Variants in PIEZO2 observed in about 807,000 individuals in gnomAD.
PIEZO2 encodes piezo-type mechanosensitive ion channel component 2.
A neutral mutation model predicts 337.3 loss-of-function variants in PIEZO2; 172 were observed. The observed-to-expected ratio is 0.51, with a 90% CI of 0.45 to 0.58. The LOEUF is 0.58. Ranked by LOEUF, PIEZO2 falls within the 20% of genes least tolerant of loss-of-function variation. PIEZO2 has a pLI of 0.00. For synonymous variants in PIEZO2, 1,251 were observed against 1,228.5 expected (o/e 1.02, Z -0.38); for missense variants, 3,028 against 3,391.3 (o/e 0.89, Z 2.66).
At chr18:10,866,554 G>A (rs1364783555) in intron 5 of PIEZO2, among the ~76,000 whole-genome samples, 1 of 152,124 alleles carries the variant, frequency 6.6e-6, no homozygotes, top group Non-Finnish European at 1.5e-5. Flanking sequence ...CAAAGTGCTG[G>A]GATTTTAGGT....
At position 10,673,331 on chromosome 18, in the gene PIEZO2, T is replaced by C. The variant is rs61521729; in HGVS notation, c.8162-458A>G. Among the ~76,000 whole-genome samples the C allele has an allele frequency of 0.022, 3,362 of 152,270 alleles. 139 individuals are homozygous for C. Among genetic ancestry groups the C allele is most frequent in the African/African-American group, 0.075 (3,098 of 41,560 alleles). On this transcript the variant is annotated intron_variant, in intron 54 of 55. Transcript: ENST00000674853. The surrounding 1 kb of genome is among the most constrained non-coding windows in gnomAD (Gnocchi z 4.8). ...CATATAACATTGTTCCTTATCTCCA[T>C]GGGAAAAGACTGTATACACAAGCAC... is the stretch of plus-strand genomic sequence containing the variant.
In PIEZO2 at chr18:10,762,605, G is replaced by A. The variant is rs1397878481; in HGVS notation, c.3144C>T (p.Asn1048=). The part of the protein sequence containing the change: ...NCSLPNENQT[N]IPFNELNKSL... ...ACTTGTTCAACTCATTAAAGGGGAT[G>A]TTTGTTTGATTTTCATTTGGCTAAA... Residue 1048 remains asparagine (N), a synonymous_variant, in exon 23 of 56, where the codon AAC becomes AAT. Transcript: ENST00000674853. The A allele has an allele frequency of 3.3e-6, 5 of 1,537,046 alleles. No homozygotes were observed. The highest frequency in any genetic ancestry group is 1.4e-5 in the African/African-American group (1 of 73,010).
At chr18:10,799,804 C>G (rs1192425895) in intron 11 of PIEZO2, among the ~76,000 whole-genome samples, 1 of 152,050 alleles carries the variant, frequency 6.6e-6, no homozygotes, top group Non-Finnish European at 1.5e-5. Context: ...GAAACCCAGT[C>G]TCTACTAAAA....
In PIEZO2 at chr18:10,762,642, A is replaced by T. The variant is rs62083224; in HGVS notation, c.3124-17T>A. On this transcript the variant is annotated splice_polypyrimidine_tract_variant and intron_variant, in intron 22 of 55. Coordinates refer to ENST00000674853, the MANE Select transcript of PIEZO2 (RefSeq NM_001378183.1). ...TTCATTTGGCTAAAAAGAAGAGAAA[A>T]TGGAGTAAAAAAAAATAGCTCCACA... The T allele has an allele frequency of 6.5e-7, 1 of 1,533,734 alleles. No individual in the cohort carries two copies. Among genetic ancestry groups the T allele is most frequent in the Non-Finnish European group, 8.7e-7 (1 of 1,146,050 alleles).
At chr18:10,922,440 G>A (rs530848025) in intron 3 of PIEZO2, among the ~76,000 whole-genome samples, 2 of 152,208 alleles carry the variant, frequency 1.3e-5, no homozygotes, top group Admixed American at 1.3e-4. Flanking sequence ...ATGAGGTGAG[G>A]CCAAAGGACA....
intron 3 of PIEZO2, among the ~76,000 whole-genome samples, chr18:10,926,538 G>T (rs933703553): frequency 6.6e-6 from 1 of 152,142 alleles, no homozygotes; most frequent in African/African-American, 2.4e-5. Context: ...GCAGTTCACA[G>T]TGACTCCACC....
rs1207534850 is a variant in PIEZO2 at position 10,682,256 on chromosome 18, C to T, written c.7534G>A (p.Val2512Met). The T allele has an allele frequency of 6.5e-7, 1 of 1,537,128 alleles. No individual in the cohort carries two copies. Among genetic ancestry groups the T allele is most frequent in the Non-Finnish European group, 8.7e-7 (1 of 1,146,838 alleles). Reference protein sequence around the residue: ...PQPRGQKKKKVVKYGMGGMII... With the variant: ...PQPRGQKKKKMVKYGMGGMII... ...ATTCCTCCCATGCCATACTTCACCA[C>T]TTTCTTCTTCTTCTGGCCCCGTGGC... The change falls in exon 50 of 56, where the codon GTG becomes ATG. Residue 2512 changes from valine to methionine, a missense_variant. Physicochemically the swap from Val to Met is conservative, Grantham distance 21. Around this residue, in one of 5 missense-constraint regions of PIEZO2, gnomAD observed 179 missense variants for 281.8 expected, o/e 0.64. Coordinates refer to ENST00000674853, the MANE Select transcript of PIEZO2 (RefSeq NM_001378183.1). This position sits in a 1 kb window ranked among gnomAD's most constrained non-coding sequence, Gnocchi z 5.6.
At chr18:11,023,680 G>T (rs1220287211) in intron 2 of PIEZO2, among the ~76,000 whole-genome samples, 1 of 152,190 alleles carries the variant, frequency 6.6e-6, no homozygotes, top group Admixed American at 6.5e-5. Flanking sequence ...GTCCCTGTTC[G>T]GGCACTGTGG....
chr18:11,076,719 T>C (rs1461431628), intron 1 of PIEZO2, among the ~76,000 whole-genome samples: 2 of 152,222 alleles, frequency 1.3e-5, no homozygotes, highest in African/African-American at 2.4e-5. Flanking sequence ...ACAGTACATA[T>C]ATAATTTCAT....
At chr18:10,802,322 C>G (rs1283302587) in intron 9 of PIEZO2, among the ~76,000 whole-genome samples, 1 of 152,084 alleles carries the variant, frequency 6.6e-6, no homozygotes, top group African/African-American at 2.4e-5. Context: ...TTAAAAATCA[C>G]TGAGGGTCCC....
In PIEZO2 at chr18:10,857,827, G is replaced by C. The variant is rs538244916; in HGVS notation, c.493-616C>G. Among the ~76,000 whole-genome samples, 3 of 152,284 alleles carry C rather than the reference G, an allele frequency of 2.0e-5. No homozygotes were observed. The South Asian group carries it at 6.2e-4, about 32-fold the overall frequency. ...CCTAAGTGCTTTAAGCAGAGATTTA[G>C]GGAGTAAACACATGTACCAGAACAT... On this transcript the variant is annotated intron_variant, in intron 5 of 55. Transcript: ENST00000674853.
intron 1 of PIEZO2, among the ~76,000 whole-genome samples, chr18:11,122,207 G>A (rs530668783): frequency 1.8e-4 from 28 of 152,120 alleles, no homozygotes; most frequent in Admixed American, 3.9e-4. Flanking sequence ...CACCCGCCTC[G>A]GCCTCCCAAA....
At position 10,969,178 on chromosome 18, in the gene PIEZO2, G is replaced by T. The variant is rs571944293; in HGVS notation, c.286+10357C>A. On this transcript the variant is annotated intron_variant, in intron 3 of 55. Coordinates refer to ENST00000674853, the MANE Select transcript of PIEZO2 (RefSeq NM_001378183.1). The surrounding 1 kb of genome is among the most constrained non-coding windows in gnomAD (Gnocchi z 4.5). ...AAACATACAGTTATAGCTTTACATTGTTCGTCTATAATTTTGAGGTTGAGT... is the reference window on the plus strand; with the variant it reads ...AAACATACAGTTATAGCTTTACATTTTTCGTCTATAATTTTGAGGTTGAGT... Among the ~76,000 whole-genome samples the T allele has an allele frequency of 1.2e-4, 18 of 152,228 alleles. No homozygotes were observed. Among genetic ancestry groups the T allele is most frequent in the African/African-American group, 4.1e-4 (17 of 41,536 alleles).
rs1312727553 is a variant in PIEZO2 at position 11,081,965 on chromosome 18, G to T, written c.65-15743C>A. On this transcript the variant is annotated intron_variant, in intron 1 of 55. Coordinates refer to ENST00000674853, the MANE Select transcript of PIEZO2 (RefSeq NM_001378183.1). ...AGTAGAGACGGGGTTTCACCATATTGGTCAGGCTGATCTCGAGCTCCTGAC... is the reference window on the plus strand; with the variant it reads ...AGTAGAGACGGGGTTTCACCATATTTGTCAGGCTGATCTCGAGCTCCTGAC... 2.6e-5 allele frequency among the ~76,000 whole-genome samples: 4 copies of T among 152,116 alleles called. No homozygotes were observed. In the East Asian group the frequency reaches 7.8e-4, roughly 30 times the overall value.
At chr18:10,938,316 T>C (rs1427632306) in intron 3 of PIEZO2, among the ~76,000 whole-genome samples, 3 of 152,202 alleles carry the variant, frequency 2.0e-5, no homozygotes, top group Admixed American at 1.3e-4. Context: ...TGCAAAGAGA[T>C]AAGTGCTACA....
intron 7 of PIEZO2, among the ~76,000 whole-genome samples, chr18:10,820,404 T>C (rs1167763056): frequency 6.6e-6 from 1 of 152,016 alleles, no homozygotes; most frequent in Non-Finnish European, 1.5e-5. Flanking sequence ...GATTTATCAT[T>C]CTATCCTCAA....
chr18:10,880,336 C>T (rs1231671711), intron 4 of PIEZO2, among the ~76,000 whole-genome samples: 1 of 152,152 alleles, frequency 6.6e-6, no homozygotes, highest in Non-Finnish European at 1.5e-5. Flanking sequence ...GGGAAGACTA[C>T]TTTATTTTTC....
At chr18:10,760,009 C>A (rs2038060343) in intron 24 of PIEZO2, 100 bp from the exon 25 acceptor site, 5 of 1,039,030 alleles carry the variant, frequency 4.8e-6, no homozygotes, top group Non-Finnish European at 7.0e-6. Flanking sequence ...AGACCCATGT[C>A]CCTCAGGGCA....
At chr18:11,147,147 C>A (rs1169059033) in intron 1 of PIEZO2, among the ~76,000 whole-genome samples, 1 of 152,130 alleles carries the variant, frequency 6.6e-6, no homozygotes, top group Non-Finnish European at 1.5e-5. Context: ...TTCAAGCTGG[C>A]GGGGAGAGAG....
Sources: allele counts gnomAD v4.1 joint callset (sites outside exome capture counted in the v4.1 genomes callset), GRCh38; gene constraint gnomAD v4.1.1; regional missense constraint gnomAD v4.1.1; non-coding constraint Gnocchi (gnomAD v3.1); transcripts MANE v1.5; gene names NCBI Gene and HGNC (gene_info 2026-07-23, HGNC 2026-07-21).